Variants in CLSTN1 observed in about 807,000 individuals in gnomAD.
CLSTN1 encodes calsyntenin-1.
CLSTN1 carries 28 observed loss-of-function variants against 108.3 expected under a neutral mutation model. The observed-to-expected ratio is 0.26, with a 90% CI of 0.19 to 0.35. The LOEUF is 0.35. Ranked by LOEUF, CLSTN1 falls within the 10% of genes least tolerant of loss-of-function variation. CLSTN1 has a pLI of 1.00. For missense variants in CLSTN1, 1,157 were observed against 1,302.6 expected (o/e 0.89, Z 1.72); for synonymous variants, 524 against 534.9 (o/e 0.98, Z 0.28).
chr1:9,823,623 G>GGCCCA lies in CLSTN1; in HGVS notation c.91+15_91+19dup. ...GAATCCCGCACCGACCCAGCGGCCC[G>GGCCCA]GCCCAGCCCCGGGGCTTACCTCGCG... On this transcript the variant is annotated intron_variant, in intron 1 of 18. Coordinates refer to ENST00000377298, the MANE Select transcript of CLSTN1 (RefSeq NM_001009566.3). The surrounding 1 kb of genome is among the most constrained non-coding windows in gnomAD (Gnocchi z 6.3). 2 of 1,179,092 alleles carry GGCCCA rather than the reference G, an allele frequency of 1.7e-6. No homozygotes were observed. The highest frequency in any genetic ancestry group is 1.1e-6 in the Non-Finnish European group (1 of 952,084). The allele number at this position is 1,179,092 out of a possible 1,614,324, so 73.0% of individuals were successfully genotyped here. A position where few individuals can be genotyped will look rare whatever the true frequency, so the allele number is the denominator to read the frequency against.
At chr1:9,785,155 G>A (rs892885840) in intron 1 of CLSTN1, among the ~76,000 whole-genome samples, 1 of 151,928 alleles carries the variant, frequency 6.6e-6, no homozygotes, top group African/African-American at 2.4e-5. Context: ...GACCTCAGGT[G>A]ATCCACCGTG....
intron 2 of CLSTN1, among the ~76,000 whole-genome samples, chr1:9,768,451 G>A (rs1158276541): frequency 1.5e-5 from 2 of 133,170 alleles, no homozygotes; most frequent in African/African-American, 2.9e-5. Flanking sequence ...CCAGGGGGGC[G>A]GGGTTCTGTG....
At chr1:9,814,367 T>C (rs1376411658) in intron 1 of CLSTN1, among the ~76,000 whole-genome samples, 1 of 151,902 alleles carries the variant, frequency 6.6e-6, no homozygotes, top group Non-Finnish European at 1.5e-5. Context: ...TGAGCTGAGA[T>C]CGTGCCACTG....
rs746014551 is a variant in CLSTN1 at position 9,730,571 on chromosome 1, G to A, written c.2883C>T (p.Gly961=). 33 of 1,608,620 alleles carry A rather than the reference G, an allele frequency of 2.1e-5. No homozygotes were observed. The highest frequency in any genetic ancestry group is 2.5e-5 in the Non-Finnish European group (30 of 1,179,946). The part of the protein sequence containing the change: ...ESSEEEEGEQ[G]DPQNATRQQQ... ...GCTGCCGGGTTGCGTTCTGGGGGTCGCCCTGCTCCCCCTCCTCCTCCTCGC... is the reference window on the plus strand; with the variant it reads ...GCTGCCGGGTTGCGTTCTGGGGGTCACCCTGCTCCCCCTCCTCCTCCTCGC... Residue 961 remains glycine, a synonymous_variant, in exon 19 of 19, where the codon GGC becomes GGT. Coordinates refer to ENST00000377298, the MANE Select transcript of CLSTN1 (RefSeq NM_001009566.3). The surrounding 1 kb of genome is among the most constrained non-coding windows in gnomAD (Gnocchi z 5.6).
At chr1:9,795,780 C>G (rs1011384308) in intron 1 of CLSTN1, among the ~76,000 whole-genome samples, 1 of 151,034 alleles carries the variant, frequency 6.6e-6, no homozygotes, top group African/African-American at 2.4e-5. Context: ...CATGGTGAGA[C>G]CCTGTATCTA....
intron 2 of CLSTN1, among the ~76,000 whole-genome samples, chr1:9,767,786 G>C (rs1349434580): frequency 6.6e-6 from 1 of 152,104 alleles, no homozygotes; most frequent in Non-Finnish European, 1.5e-5. Context: ...AAGTCTGTAA[G>C]AAAATGCAAC....
At chr1:9,799,531 C>T (rs1654159448) in intron 1 of CLSTN1, among the ~76,000 whole-genome samples, 1 of 151,726 alleles carries the variant, frequency 6.6e-6, no homozygotes, top group Non-Finnish European at 1.5e-5. Flanking sequence ...GTCCCAGCTA[C>T]TTGGGAGGCT....
At chr1:9,824,001 C>T (rs917979751), upstream of CLSTN1, 3 of 151,954 alleles carry the variant, frequency 2.0e-5, no homozygotes, top group Non-Finnish European at 4.3e-5. This position sits in a 1 kb window ranked among gnomAD's most constrained non-coding sequence, Gnocchi z 5.0. Context: ...GGCGAGGGTA[C>T]CCGGCCGGGG....
chr1:9,775,921 C>T (rs927839324), intron 1 of CLSTN1, among the ~76,000 whole-genome samples: 4 of 151,434 alleles, frequency 2.6e-5, no homozygotes, highest in African/African-American at 4.9e-5. Context: ...TCAGAGTAGG[C>T]GTGTGAAGGC....
intron 2 of CLSTN1, among the ~76,000 whole-genome samples, chr1:9,757,539 C>T (rs1033218023): frequency 2.6e-5 from 4 of 152,172 alleles, no homozygotes; most frequent in Non-Finnish European, 5.9e-5. Flanking sequence ...CCGCACCCAG[C>T]CGAACAAAAG....
At chr1:9,752,229 G>A (rs1456307903) in intron 4 of CLSTN1, among the ~76,000 whole-genome samples, 1 of 152,166 alleles carries the variant, frequency 6.6e-6, no homozygotes, top group Non-Finnish European at 1.5e-5. Context: ...AAATGGAAGA[G>A]TTCAGGAGAG....
chr1:9,733,919 A>T, intron 15 of CLSTN1, 53 bp downstream of exon 15: 1 of 1,545,774 alleles, frequency 6.5e-7, no homozygotes, highest in South Asian at 1.2e-5. Flanking sequence ...AAGAGCTCTC[A>T]AAGTCCCCTC....
intron 1 of CLSTN1, among the ~76,000 whole-genome samples, chr1:9,819,881 A>G (rs975822431): frequency 6.6e-6 from 1 of 152,226 alleles, no homozygotes; most frequent in Non-Finnish European, 1.5e-5. Flanking sequence ...GTAACAAATT[A>G]AGAAACCATC....
At chr1:9,809,023 T>C (rs1194794361) in intron 1 of CLSTN1, among the ~76,000 whole-genome samples, 1 of 152,100 alleles carries the variant, frequency 6.6e-6, no homozygotes, top group Non-Finnish European at 1.5e-5. Context: ...TGTTCTCCCT[T>C]TGTCCCTGGC....
chr1:9,781,237 C>G (rs1318547201), intron 1 of CLSTN1: 2 of 764,536 alleles, frequency 2.6e-6, no homozygotes, highest in Non-Finnish European at 4.6e-6. Flanking sequence ...ATATGACAAG[C>G]TGATTTTCTG....
chr1:9,782,934 G>A (rs1653316146), intron 1 of CLSTN1, among the ~76,000 whole-genome samples: 1 of 152,238 alleles, frequency 6.6e-6, no homozygotes, highest in Admixed American at 6.5e-5. Flanking sequence ...TGGAACCTGG[G>A]AGGCGGAGGC....
At chr1:9,762,132 C>T (rs1217169250) in intron 2 of CLSTN1, among the ~76,000 whole-genome samples, 1 of 152,188 alleles carries the variant, frequency 6.6e-6, no homozygotes, top group Non-Finnish European at 1.5e-5. Context: ...ATCCACTGAT[C>T]TGTGCCCAAT....
intron 1 of CLSTN1, among the ~76,000 whole-genome samples, chr1:9,791,276 A>C (rs1366685640): frequency 1.3e-5 from 2 of 151,494 alleles, no homozygotes; most frequent in African/African-American, 4.8e-5. Flanking sequence ...AGCAAAGTTC[A>C]CAACTTTTTC....
intron 1 of CLSTN1, among the ~76,000 whole-genome samples, chr1:9,801,799 G>A (rs1557721774): frequency 6.6e-6 from 1 of 151,994 alleles, no homozygotes; most frequent in South Asian, 2.1e-4. Context: ...CAGGTGATCC[G>A]CCCACCTCTG....
Sources: allele counts gnomAD v4.1 joint callset (sites outside exome capture counted in the v4.1 genomes callset), GRCh38; gene constraint gnomAD v4.1.1; non-coding constraint Gnocchi (gnomAD v3.1); transcripts MANE v1.5; gene names NCBI Gene and HGNC (gene_info 2026-07-23, HGNC 2026-07-21).